NADK: variants seen among roughly 807,000 people sequenced by gnomAD.
NADK encodes NAD kinase.
NADK carries 22 observed loss-of-function variants against 49.8 expected under a neutral mutation model. The observed-to-expected ratio is 0.44, with a 90% confidence interval of 0.32 to 0.63. The LOEUF (loss-of-function observed/expected upper bound fraction) is 0.63, where lower values mean the gene tolerates loss of function less well. NADK is among the 30% of genes least tolerant of loss of function. The pLI is 0.06. For missense variants in NADK, 438 were observed against 609.4 expected, an observed-to-expected ratio of 0.72 and a Z score of 2.96; for synonymous variants, 268 against 253.7, an observed-to-expected ratio of 1.06 and a Z score of -0.54.
chr1:1,769,101 A>C (rs1645969986), intron 1 of NADK, among the ~76,000 whole-genome samples: 1 of 152,232 alleles, frequency 6.6e-6, no homozygotes, highest in Admixed American at 6.5e-5. Context: ...GTACTGTCCC[A>C]GTGGGTCAAT....
chr1:1,771,749 G>A (rs904920671), intron 1 of NADK, among the ~76,000 whole-genome samples: 5 of 152,028 alleles, frequency 3.3e-5, no homozygotes, highest in Non-Finnish European at 5.9e-5. Context: ...ATGGATTATA[G>A]ACCTAAATGT....
chr1:1,753,670 G>A lies in NADK; in HGVS notation c.1102-21C>T, dbSNP rs371350232. ...ATGATCTGAGGGTCAAGCAGGGAGA[G>A]GTGTGGGCCCCCAGCTGTGGGGAGG... On this transcript the variant is annotated intron_variant, in intron 10 of 11. Transcript: ENST00000341426. 1.2e-4 allele frequency: 184 copies of A among 1,586,774 alleles called. No individual in the cohort carries two copies. The African/African-American group carries it at 2.2e-3, about 19-fold the overall frequency.
At chr1:1,774,163 G>C (rs545701887) in intron 1 of NADK, among the ~76,000 whole-genome samples, 4 of 150,356 alleles carry the variant, frequency 2.7e-5, no homozygotes, top group African/African-American at 9.8e-5. Context: ...GTGTGTGTGT[G>C]TATATATATA....
At chr1:1,766,915 C>G (rs1404192150) in intron 1 of NADK, among the ~76,000 whole-genome samples, 1 of 151,586 alleles carries the variant, frequency 6.6e-6, no homozygotes, top group East Asian at 1.9e-4. Flanking sequence ...TGGCCTAGAA[C>G]CTCATCTTTT....
chr1:1,774,993 C>T (rs1010115273), intron 1 of NADK, among the ~76,000 whole-genome samples: 7 of 151,988 alleles, frequency 4.6e-5, no homozygotes, highest in Non-Finnish European at 1.0e-4. Context: ...CCTGTCATCC[C>T]AGCTACTCAG....
chr1:1,753,536 G>C, intron 11 of NADK, 31 bp downstream of exon 11: 1 of 1,594,286 alleles, frequency 6.3e-7, no homozygotes, highest in Non-Finnish European at 8.6e-7. Context: ...GAGGTTGGCA[G>C]GCAGCGCCCA....
At chr1:1,773,388 G>A (rs1273627783) in intron 1 of NADK, among the ~76,000 whole-genome samples, 7 of 151,168 alleles carry the variant, frequency 4.6e-5, no homozygotes, top group African/African-American at 7.3e-5. Context: ...TGATCCGCCC[G>A]CCTCGGCCTC....
chr1:1,767,238 C>T (rs1042376474), intron 1 of NADK, among the ~76,000 whole-genome samples: 1 of 152,162 alleles, frequency 6.6e-6, no homozygotes, highest in Non-Finnish European at 1.5e-5. Flanking sequence ...CTTCTGACCA[C>T]AATACAATAA....
rs543682981 is a variant in NADK at position 1,752,173 on chromosome 1, T to C, written c.*731A>G. ...TCACAAAAGTGTGTACGAGAAAGTATGTACATCAGCACTTCAGAAAGTTTA... is the reference window on the plus strand; with the variant it reads ...TCACAAAAGTGTGTACGAGAAAGTACGTACATCAGCACTTCAGAAAGTTTA... On this transcript the variant is annotated 3_prime_UTR_variant, in exon 12 of 12. Transcript: ENST00000341426. 6.6e-6 allele frequency: 1 copy of C among 152,616 alleles called. No individual in the cohort carries two copies. Among genetic ancestry groups the C allele is most frequent in the Non-Finnish European group, 1.5e-5 (1 of 68,048 alleles). The allele number at this position is 152,616 out of a possible 1,614,324, so 9.5% of individuals were successfully genotyped here.
At chr1:1,760,048 G>T in intron 3 of NADK, 1 of 873,158 alleles carries the variant, frequency 1.1e-6, no homozygotes, top group South Asian at 1.6e-5. Flanking sequence ...CACCCACGTG[G>T]CTGCTGTGCA....
chr1:1,772,521 C>T (rs1247293866), intron 1 of NADK, among the ~76,000 whole-genome samples: 1 of 152,068 alleles, frequency 6.6e-6, no homozygotes, highest in African/African-American at 2.4e-5. Flanking sequence ...GCCTGTAATC[C>T]CAGCACTTTG....
intron 3 of NADK, among the ~76,000 whole-genome samples, chr1:1,760,676 G>C (rs1279087325): frequency 3.3e-5 from 5 of 149,854 alleles, no homozygotes; most frequent in Admixed American, 1.3e-4. Flanking sequence ...TGAAGGAGGA[G>C]GCCCTGAAGA....
At chr1:1,759,663 C>A in intron 3 of NADK, 1 of 1,484,518 alleles carries the variant, frequency 6.7e-7, no homozygotes, top group Admixed American at 2.1e-5. Context: ...GACACAGAGC[C>A]CAGAGGGGGC....
At chr1:1,779,193 A>C (rs927795781), upstream of NADK, 1 of 152,034 alleles carries the variant, frequency 6.6e-6, no homozygotes, top group Non-Finnish European at 1.5e-5. Flanking sequence ...GGCCTGGGGC[A>C]CCTCTAGGGG....
At chr1:1,753,536 G>A (rs756620556) in intron 11 of NADK, 31 bp downstream of exon 11, 1 of 1,594,286 alleles carries the variant, frequency 6.3e-7, no homozygotes, top group South Asian at 1.1e-5. Flanking sequence ...GAGGTTGGCA[G>A]GCAGCGCCCA....
chr1:1,759,280 G>A (rs751837071), intron 3 of NADK: 86 of 1,525,494 alleles, frequency 5.6e-5, no homozygotes, highest in Middle Eastern at 1.7e-4. Flanking sequence ...AGGCACGCAC[G>A]GCTGTGGGTA....
chr1:1,754,404 C>T lies in NADK; in HGVS notation c.844-21G>A. On this transcript the variant is annotated intron_variant, in intron 8 of 11. Transcript: ENST00000341426. This position sits in a 1 kb window ranked among gnomAD's most constrained non-coding sequence, Gnocchi z 4.3. ...AGGACCTGGAGGGGCGACAGCATTGCACACTCAGGGCGGGGGATGCCGCAC... is the reference window on the plus strand; with the variant it reads ...AGGACCTGGAGGGGCGACAGCATTGTACACTCAGGGCGGGGGATGCCGCAC... The T allele has an allele frequency of 6.2e-7, 1 of 1,612,520 alleles. No homozygotes were observed.
chr1:1,757,128 GCC>G, intron 4 of NADK, 51 bp downstream of exon 4: 2 of 1,541,284 alleles, frequency 1.3e-6, no homozygotes, highest in Non-Finnish European at 1.8e-6. Context: ...GTGGATGGAG[GCC>G]CCCCCAACTC....
Position 1,754,904 on chromosome 1 carries a change from C to T in NADK, c.689-206G>A, listed in dbSNP as rs977888748. 5.7e-6 allele frequency: 3 copies of T among 529,688 alleles called. No individual in the cohort carries two copies. The highest frequency in any genetic ancestry group is 9.9e-6 in the Non-Finnish European group (3 of 304,294). 32.8% of individuals were successfully genotyped at this position (529,688 alleles called of 1,614,324 possible). ...TGGTGTGATCTTGGCTCACTGCAAC[C>T]TCTGCCTCCCAGGTTCAAGTGATTC... On this transcript the variant is annotated intron_variant, in intron 7 of 11. Transcript: ENST00000341426. This position sits in a 1 kb window ranked among gnomAD's most constrained non-coding sequence, Gnocchi z 4.3.
Sources: allele counts gnomAD v4.1 joint callset (sites outside exome capture counted in the v4.1 genomes callset), GRCh38; gene constraint gnomAD v4.1.1; non-coding constraint Gnocchi (gnomAD v3.1); transcripts MANE v1.5; gene names NCBI Gene and HGNC (gene_info 2026-07-23, HGNC 2026-07-21).